Variants in C11orf58 observed in about 807,000 individuals in gnomAD.
The protein encoded by C11orf58 is small acidic protein.
In C11orf58, 5 loss-of-function variants were observed where a neutral mutation model predicts 22.7. The observed-to-expected ratio is 0.22, with a 90% CI of 0.12 to 0.46. The LOEUF is 0.46. Ranked by LOEUF, C11orf58 falls within the 20% of genes least tolerant of loss-of-function variation. C11orf58 has a pLI of 0.99. For synonymous variants in C11orf58, 71 were observed against 70.7 expected, an observed-to-expected ratio of 1.00 and a Z score of -0.02; for missense variants, 151 against 223.3, an observed-to-expected ratio of 0.68 and a Z score of 2.06.
intron 1 of C11orf58, 25 bp downstream of exon 1, chr11:16,738,866 G>A (rs1848418727): frequency 6.2e-7 from 1 of 1,613,632 alleles, no homozygotes. Context: ...CGGAGTGGCT[G>A]AGGGTTGAGG....
rs1351558561 is a variant in C11orf58, at chr11:16,744,515, A to G, written c.64-86A>G. ...TTATAGTTACAACTGACAGGGGAAA[A>G]AAACTTGAGAGTTACAGGTAGACTT... On this transcript the variant is annotated intron_variant, in intron 1 of 4. Coordinates refer to ENST00000228136, the MANE Select transcript of C11orf58 (RefSeq NM_014267.6). 66 of 1,083,108 alleles carry G rather than the reference A, an allele frequency of 6.1e-5. No homozygotes were observed. In the Admixed American group the frequency reaches 1.3e-3, roughly 21 times the overall value. The allele number at this position is 1,083,108 out of a possible 1,614,324, so 67.1% of individuals were successfully genotyped here.
Position 16,742,690 on chromosome 11 carries a change from T to G in C11orf58, c.64-1911T>G, listed in dbSNP as rs141136087. ...AATAGTGGTTTTTTTAAATATTCTT[T>G]TAGTCTTTTACAAATAATTTTTAGA... On this transcript the variant is annotated intron_variant, in intron 1 of 4. Transcript: ENST00000228136. Among the ~76,000 whole-genome samples, 328 of 152,300 alleles carry G rather than the reference T, an allele frequency of 2.2e-3. 2 individuals are homozygous for G. Among genetic ancestry groups the G allele is most frequent in the African/African-American group, 7.6e-3 (316 of 41,562 alleles).
chr11:16,740,990 G>A (rs1211690066), intron 1 of C11orf58, among the ~76,000 whole-genome samples: 1 of 151,796 alleles, frequency 6.6e-6, no homozygotes, highest in Non-Finnish European at 1.5e-5. Context: ...CAGCTACTAG[G>A]GAGGCTGAGG....
At position 16,748,118 on chromosome 11, in the gene C11orf58, G is replaced by A. The variant is rs1848502288; in HGVS notation, c.169G>A (p.Val57Ile). The A allele has an allele frequency of 6.2e-7, 1 of 1,612,880 alleles. No individual in the cohort carries two copies. Among genetic ancestry groups the A allele is most frequent in the African/African-American group, 1.3e-5 (1 of 74,878 alleles). Reference protein sequence around the residue: ...AGKKEHTGRLVIGDHKSTSHF... With the variant: ...AGKKEHTGRLIIGDHKSTSHF... ...ATAGAAAGAACATACTGGTCGTCTTGTTATAGGAGATCACAAATCAACATC... is the reference window on the plus strand; with the variant it reads ...ATAGAAAGAACATACTGGTCGTCTTATTATAGGAGATCACAAATCAACATC... Residue 57 changes from valine (V) to isoleucine (I), a missense_variant, in exon 3 of 5, where the codon GTT (valine) becomes ATT (isoleucine). By Grantham distance (29) the Val-to-Ile change is conservative. This residue lies in a region of C11orf58 where 112 missense variants were observed against 162.6 expected (regional missense o/e 0.69). Coordinates refer to ENST00000228136, the MANE Select transcript of C11orf58 (RefSeq NM_014267.6).
At chr11:16,753,707 G>A (rs10734249) in intron 4 of C11orf58, among the ~76,000 whole-genome samples, 127,939 of 152,070 alleles carry the variant, frequency 0.84, 53,894 homozygotes, top group Middle Eastern at 0.9. Flanking sequence ...TTTTCTGAAA[G>A]TGAAAATTCT....
At position 16,755,892 on chromosome 11, in the gene C11orf58, A is replaced by G. The variant is rs1027063402; in HGVS notation, c.*788A>G. ...GTCTAAATAAAGAGCAGTTTCCCAT[A>G]TTTGGCTGTGATACCTTTATCCTCA... On this transcript the variant is annotated 3_prime_UTR_variant, in exon 5 of 5. Transcript: ENST00000228136. 6.6e-6 allele frequency: 1 copy of G among 152,532 alleles called. No individual in the cohort carries two copies. The highest frequency in any genetic ancestry group is 1.9e-4 in the East Asian group (1 of 5,196). 9.4% of individuals were successfully genotyped at this position (152,532 alleles called of 1,614,324 possible).
At chr11:16,741,000 G>A (rs1848443298) in intron 1 of C11orf58, among the ~76,000 whole-genome samples, 1 of 151,692 alleles carries the variant, frequency 6.6e-6, no homozygotes, top group East Asian at 2.0e-4. Context: ...GGAGGCTGAG[G>A]CAGGAGAATG....
chr11:16,743,062 A>G (rs1477704644), intron 1 of C11orf58, among the ~76,000 whole-genome samples: 1 of 152,220 alleles, frequency 6.6e-6, no homozygotes, highest in African/African-American at 2.4e-5. Flanking sequence ...TACTTGAGGA[A>G]TTTTTGAAAC....
Position 16,758,092 on chromosome 11 carries a change from G to A in C11orf58, c.*2988G>A, listed in dbSNP as rs1394751976. Among the ~76,000 whole-genome samples, 1 of 152,158 alleles carries A rather than the reference G, an allele frequency of 6.6e-6. No individual in the cohort carries two copies. The highest frequency in any genetic ancestry group is 1.5e-5 in the Non-Finnish European group (1 of 68,034). ...CAACTTCTAAAATCACTCAATAAAA[G>A]TATTCACTTCTAACCAACTCCTCCT... is the stretch of plus-strand genomic sequence containing the variant. On this transcript the variant is annotated 3_prime_UTR_variant, in exon 5 of 5. Transcript: ENST00000228136.
intron 4 of C11orf58, chr11:16,753,990 G>A (rs781303904): frequency 6.6e-5 from 31 of 471,386 alleles, no homozygotes; most frequent in East Asian, 4.7e-4. Flanking sequence ...CACCATGTCC[G>A]GCCAGGGCAC....
chr11:16,755,373 C>T lies in C11orf58; in HGVS notation c.*269C>T, dbSNP rs556551882. The T allele has an allele frequency of 3.9e-6, 1 of 257,670 alleles. No homozygotes were observed. The highest frequency in any genetic ancestry group is 9.2e-5 in the South Asian group (1 of 10,890). 16.0% of individuals were successfully genotyped at this position (257,670 alleles called of 1,614,324 possible). A position where few individuals can be genotyped will look rare whatever the true frequency, so the allele number is the denominator to read the frequency against. ...TATTAGCATCATCAACCCTCTAATT[C>T]ACCTTATGGGGGAAATGCTTCTTTT... is the stretch of plus-strand genomic sequence containing the variant. On this transcript the variant is annotated 3_prime_UTR_variant, in exon 5 of 5. Coordinates refer to ENST00000228136, the MANE Select transcript of C11orf58 (RefSeq NM_014267.6).
At chr11:16,741,504 C>G (rs548675495) in intron 1 of C11orf58, among the ~76,000 whole-genome samples, 1 of 152,202 alleles carries the variant, frequency 6.6e-6, no homozygotes, top group African/African-American at 2.4e-5. Context: ...AGTGCACCCA[C>G]GTGCTTTTCA....
chr11:16,748,208 A>G (rs763468866), intron 3 of C11orf58, 51 bp downstream of exon 3: 6 of 1,409,196 alleles, frequency 4.3e-6, no homozygotes, highest in Non-Finnish European at 6.0e-6. Context: ...CAGAATATGA[A>G]GTATGTGTTC....
At position 16,738,778 on chromosome 11, in the gene C11orf58, G is replaced by C. The variant is rs1489450947; in HGVS notation, c.-1G>C. ...CATTTTTCGTCGGGATCCCCGCAAG[G>C]ATGAGTGCTGCCAGAGAGTCTCACC... On this transcript the variant is annotated 5_prime_UTR_variant, in exon 1 of 5. Transcript: ENST00000228136. 6.2e-6 allele frequency: 10 copies of C among 1,613,970 alleles called. No individual in the cohort carries two copies. The Admixed American group carries it at 6.7e-5, about 11-fold the overall frequency.
At chr11:16,745,292 T>G (rs1307842029) in intron 2 of C11orf58, among the ~76,000 whole-genome samples, 1 of 152,172 alleles carries the variant, frequency 6.6e-6, no homozygotes, top group African/African-American at 2.4e-5. Context: ...CAGTTGACCC[T>G]TGAGCAATGT....
chr11:16,749,981 C>G (rs1334845705), intron 3 of C11orf58: 1 of 152,148 alleles, frequency 6.6e-6, no homozygotes, highest in Non-Finnish European at 1.5e-5. Flanking sequence ...GTGCATTTGT[C>G]TCAGTCACAG....
intron 4 of C11orf58, 94 bp from the exon 5 acceptor site, chr11:16,754,775 TAG>T: frequency 4.6e-6 from 7 of 1,538,220 alleles, no homozygotes; most frequent in South Asian, 1.3e-5. Context: ...GGCTACAAAG[TAG>T]AGTGTTTCTA....
chr11:16,746,372 C>A (rs1237816919), intron 2 of C11orf58, among the ~76,000 whole-genome samples: 2 of 152,148 alleles, frequency 1.3e-5, no homozygotes, highest in Non-Finnish European at 2.9e-5. Flanking sequence ...ACTTAACATC[C>A]CTTGTGGTTC....
chr11:16,753,775 C>A, intron 4 of C11orf58: 1 of 399,202 alleles, frequency 2.5e-6, no homozygotes, highest in Non-Finnish European at 4.4e-6. Context: ...CTCACTCTGT[C>A]ACCCAGGCTG....
Sources: allele counts gnomAD v4.1 joint callset (sites outside exome capture counted in the v4.1 genomes callset), GRCh38; gene constraint gnomAD v4.1.1; regional missense constraint gnomAD v4.1.1; transcripts MANE v1.5; gene names NCBI Gene and HGNC (gene_info 2026-07-23, HGNC 2026-07-21).